Variants in NTM observed in about 807,000 individuals in gnomAD.
NTM encodes IgLON family member 2.
Under a neutral mutation model 42.1 loss-of-function variants are expected in NTM, and 13 were observed. That is an observed-to-expected ratio of 0.31 (90% CI 0.20 to 0.49). NTM has a LOEUF of 0.49. Ranked by LOEUF, NTM falls within the 20% of genes least tolerant of loss-of-function variation. NTM has a pLI of 0.99. For synonymous variants in NTM, 187 were observed against 179.2 expected (o/e 1.04, Z -0.35); for missense variants, 373 against 452.8 (o/e 0.82, Z 1.60).
chr11:131,664,753 G>GTTTTTTTTTTTTTTTTTTTTTTTT (rs199824869), intron 1 of NTM, among the ~76,000 whole-genome samples: 3 of 112,886 alleles, frequency 2.7e-5, no homozygotes, highest in African/African-American at 1.0e-4. Context: ...CTCTTCCATT[G>GTTTTTTTTTTTTTTTTTTTTTTTT]TTTTTTTTTT....
intron 1 of NTM, among the ~76,000 whole-genome samples, chr11:131,798,012 A>C (rs892943554): frequency 1.3e-5 from 2 of 152,148 alleles, no homozygotes; most frequent in Admixed American, 6.5e-5. Flanking sequence ...AAATGAATTT[A>C]CCTTTCATAA....
chr11:131,776,004 T>A (rs973651676), intron 1 of NTM, among the ~76,000 whole-genome samples: 4 of 152,180 alleles, frequency 2.6e-5, no homozygotes, highest in Non-Finnish European at 4.4e-5. Context: ...TCAACAGAAG[T>A]TCTTTCCTGG....
rs1448356 is a variant in NTM at position 131,466,788 on chromosome 11, G to A, written c.82+95900G>A. 7.5e-3 allele frequency among the ~76,000 whole-genome samples: 1,135 copies of A among 152,284 alleles called. 15 individuals carry two copies. Among genetic ancestry groups the A allele is most frequent in the African/African-American group, 0.026 (1,081 of 41,556 alleles). ...ATATAACTACTATACTTGGAAAGGA[G>A]ACAGCTTTTTTGAAATCAAAATCAC... On this transcript the variant is annotated intron_variant, in intron 1 of 8. Transcript: ENST00000683400.
At chr11:132,050,547 C>T (rs1304812255) in intron 2 of NTM, among the ~76,000 whole-genome samples, 3 of 152,138 alleles carry the variant, frequency 2.0e-5, no homozygotes, top group Non-Finnish European at 2.9e-5. Flanking sequence ...GGGAGACAGG[C>T]GAAAACATGC....
At chr11:131,629,430 C>A (rs1279842479) in intron 1 of NTM, among the ~76,000 whole-genome samples, 1 of 152,192 alleles carries the variant, frequency 6.6e-6, no homozygotes, top group Non-Finnish European at 1.5e-5. Flanking sequence ...AAGGGTCTTA[C>A]ACTTAGAAAA....
At position 131,878,594 on chromosome 11, in the gene NTM, AATATATATATATATATATATAT is replaced by A. The variant is rs201069325; in HGVS notation, c.83-32944_83-32923del. 4.1e-3 allele frequency among the ~76,000 whole-genome samples: 79 copies of A among 19,350 alleles called. 16 individuals carry two copies. The highest frequency in any genetic ancestry group is 0.022 in the East Asian group (6 of 268). 12.7% of individuals were successfully genotyped at this position (19,350 alleles called of 152,430 possible). A position where few individuals can be genotyped will look rare whatever the true frequency, so the allele number is the denominator to read the frequency against. ...CAAAAAAAAAAAAAAAAAAAAAAAA[AATATATATATATATATATATAT>A]ATATATATATATATATATATATATA... On this transcript the variant is annotated intron_variant, in intron 1 of 8. Transcript: ENST00000683400.
intron 4 of NTM, among the ~76,000 whole-genome samples, chr11:132,255,906 C>T (rs75537194): frequency 0.012 from 1,808 of 152,156 alleles, 31 homozygotes; most frequent in African/African-American, 0.034. Context: ...ATCTTCACCT[C>T]GCTCCTCTCA....
At chr11:132,162,764 G>A (rs1318968489) in intron 3 of NTM, among the ~76,000 whole-genome samples, 1 of 128,556 alleles carries the variant, frequency 7.8e-6, no homozygotes, top group Non-Finnish European at 1.6e-5. Flanking sequence ...TGTGGGACAT[G>A]TGTGTGTTTG....
intron 1 of NTM, among the ~76,000 whole-genome samples, chr11:131,543,898 A>G (rs2053601445): frequency 6.6e-6 from 1 of 152,236 alleles, no homozygotes; most frequent in Admixed American, 6.5e-5. Flanking sequence ...GTTAGTAAAC[A>G]CCAAAGAGAG....
intron 2 of NTM, among the ~76,000 whole-genome samples, chr11:132,020,244 G>A (rs2074125638): frequency 6.6e-6 from 1 of 151,966 alleles, no homozygotes; most frequent in South Asian, 2.1e-4. Context: ...CCACTGATGG[G>A]CACCTGGGCT....
Position 132,174,171 on chromosome 11 carries a change from G to T in NTM, c.400+27657G>T, listed in dbSNP as rs79126656. Among the ~76,000 whole-genome samples, 440 of 152,268 alleles carry T rather than the reference G, an allele frequency of 2.9e-3. No homozygotes were observed. In the Middle Eastern group the frequency reaches 0.034, roughly 12 times the overall value. ...TCAACACTGTTTATTAGCAAAAAAT[G>T]TTTAGTGATGGCATCCTACATTCTA... On this transcript the variant is annotated intron_variant, in intron 3 of 8. Coordinates refer to ENST00000683400, the MANE Select transcript of NTM (RefSeq NM_001352005.2).
In NTM at chr11:132,291,227, G is replaced by A. The variant is rs952412488; in HGVS notation, c.527-16462G>A. ...CCCTAAAGTATCAGGTGATAGAAGTGTCAGTGAACAGAAGAGGATGGATTC... is the reference window on the plus strand; with the variant it reads ...CCCTAAAGTATCAGGTGATAGAAGTATCAGTGAACAGAAGAGGATGGATTC... On this transcript the variant is annotated intron_variant, in intron 4 of 8. Coordinates refer to ENST00000683400, the MANE Select transcript of NTM (RefSeq NM_001352005.2). Among the ~76,000 whole-genome samples, 4 of 152,310 alleles carry A rather than the reference G, an allele frequency of 2.6e-5. No homozygotes were observed. The East Asian group carries it at 7.7e-4, about 29-fold the overall frequency.
chr11:132,034,341 G>T (rs2076260533), intron 2 of NTM, among the ~76,000 whole-genome samples: 1 of 152,170 alleles, frequency 6.6e-6, no homozygotes, highest in South Asian at 2.1e-4. Context: ...GTCCTGGATT[G>T]CCTCACCACG....
intron 1 of NTM, among the ~76,000 whole-genome samples, chr11:131,407,723 G>T (rs1945952383): frequency 6.6e-6 from 1 of 152,196 alleles, no homozygotes; most frequent in African/African-American, 2.4e-5. Context: ...AGAGTTCCTA[G>T]GACATTCTTG....
At chr11:131,808,806 A>G (rs1228099979) in intron 1 of NTM, among the ~76,000 whole-genome samples, 4 of 152,238 alleles carry the variant, frequency 2.6e-5, no homozygotes, top group Non-Finnish European at 5.9e-5. Flanking sequence ...AAAGGAGTCA[A>G]GTACGTAGAA....
chr11:131,373,070 AGAAC>A (rs1941438086), intron 1 of NTM, among the ~76,000 whole-genome samples: 1 of 152,198 alleles, frequency 6.6e-6, no homozygotes. Context: ...TGGTCGTAAT[AGAAC>A]AAGGTTGCCC....
chr11:132,282,509 T>A (rs530139794), intron 4 of NTM, among the ~76,000 whole-genome samples: 2 of 152,216 alleles, frequency 1.3e-5, no homozygotes, highest in Non-Finnish European at 2.9e-5. Flanking sequence ...GATTTTTGTC[T>A]ACAACAACTC....
At chr11:132,074,116 G>C (rs1403941849) in intron 2 of NTM, among the ~76,000 whole-genome samples, 2 of 152,194 alleles carry the variant, frequency 1.3e-5, no homozygotes, top group African/African-American at 2.4e-5. Flanking sequence ...CCAGATAATG[G>C]GTTGTTTGGA....
At chr11:131,676,499 G>A (rs936384120) in intron 1 of NTM, among the ~76,000 whole-genome samples, 25 of 152,128 alleles carry the variant, frequency 1.6e-4, no homozygotes, top group African/African-American at 5.6e-4. Context: ...CTGTGTGTGC[G>A]CATGCATGCG....
Sources: gnomAD v4.1 joint callset for allele counts (sites outside exome capture counted in the v4.1 genomes callset) on GRCh38, gnomAD v4.1.1 for gene constraint, MANE v1.5 for transcripts, NCBI Gene and HGNC (gene_info 2026-07-23, HGNC 2026-07-21) for gene names.